Variants in TXNDC16 observed in about 807,000 individuals in gnomAD.
TXNDC16 encodes the protein thioredoxin domain containing 16.
A neutral mutation model predicts 85.6 loss-of-function variants in TXNDC16; 74 were observed. The ratio of observed to expected loss-of-function variants is 0.86; its 90% CI spans 0.72 to 1.05. The LOEUF is 1.05. Ranked by LOEUF, TXNDC16 falls within the 50% of genes least tolerant of loss-of-function variation. The pLI is 0.00. For missense variants in TXNDC16, 959 were observed against 947.0 expected, an observed-to-expected ratio of 1.01 and a Z score of -0.17; for synonymous variants, 335 against 326.5, an observed-to-expected ratio of 1.03 and a Z score of -0.28.
At position 52,514,868 on chromosome 14, in the gene TXNDC16, T is replaced by G; in HGVS notation, c.605+12A>C. On this transcript the variant is annotated intron_variant, in intron 8 of 20. Coordinates refer to ENST00000281741, the MANE Select transcript of TXNDC16 (RefSeq NM_020784.3). ...AACCTTTAAATTGTTGACATATGCT[T>G]TTTATACATACCCAATACTTTCCAA... 1 of 1,585,732 alleles carries G rather than the reference T, an allele frequency of 6.3e-7. No individual in the cohort carries two copies. The highest frequency in any genetic ancestry group is 8.6e-7 in the Non-Finnish European group (1 of 1,165,960).
chr14:52,530,326 T>TATAA (rs2037492091), intron 6 of TXNDC16, among the ~76,000 whole-genome samples: 1 of 47,640 alleles, frequency 2.1e-5, no homozygotes, highest in African/African-American at 8.5e-5. Flanking sequence ...ATAATTATTT[T>TATAA]TATATTATAT....
chr14:52,536,732 C>A lies in TXNDC16; in HGVS notation c.379G>T (p.Ala127Ser). The change falls in exon 6 of 21, where the codon GCC becomes TCC. Residue 127 changes from alanine to serine, a missense_variant. Physicochemically the swap from Ala to Ser is moderately conservative, Grantham distance 99. Transcript: ENST00000281741. Reference sequence around the variant, plus strand: ...CCCTGTACTTACAAGAGAACATGGGCGACAATGGCATTCACATCAAACAAG... The same window carrying A: ...CCCTGTACTTACAAGAGAACATGGGAGACAATGGCATTCACATCAAACAAG... ...DTLFDVNAIV[A>S]HVLFALLFSE... 1.2e-6 allele frequency: 2 copies of A among 1,610,104 alleles called. No individual in the cohort carries two copies. Among genetic ancestry groups the A allele is most frequent in the Non-Finnish European group, 1.7e-6 (2 of 1,177,654 alleles).
At chr14:52,483,028 T>C (rs1334618739) in intron 12 of TXNDC16, 63 bp from the exon 13 acceptor site, 1 of 1,353,984 alleles carries the variant, frequency 7.4e-7, no homozygotes, top group Non-Finnish European at 1.0e-6. Flanking sequence ...TTTAAGCTCT[T>C]CTCATAGGAA....
At chr14:52,465,706 T>C (rs2035758635) in intron 16 of TXNDC16, among the ~76,000 whole-genome samples, 1 of 151,990 alleles carries the variant, frequency 6.6e-6, no homozygotes, top group Admixed American at 6.6e-5. Flanking sequence ...ACACCCTATG[T>C]GTACCCTTCC....
At chr14:52,511,476 T>G (rs1232885056) in intron 8 of TXNDC16, 86 bp from the exon 9 acceptor site, 6 of 843,470 alleles carry the variant, frequency 7.1e-6, no homozygotes. Flanking sequence ...AATTTTGTCT[T>G]AAGTCTCATG....
chr14:52,541,695 C>T (rs1364992852), intron 4 of TXNDC16, among the ~76,000 whole-genome samples: 1 of 152,166 alleles, frequency 6.6e-6, no homozygotes, highest in East Asian at 1.9e-4. Context: ...GTCAGGTAGA[C>T]ATTAACCAGA....
intron 14 of TXNDC16, among the ~76,000 whole-genome samples, chr14:52,476,789 A>G (rs550569488): frequency 6.6e-6 from 1 of 152,332 alleles, no homozygotes; most frequent in Non-Finnish European, 1.5e-5. Context: ...CAGTCTTGCT[A>G]GAGAACTAGG....
chr14:52,520,032 C>T (rs533380031), intron 6 of TXNDC16, among the ~76,000 whole-genome samples: 11 of 152,224 alleles, frequency 7.2e-5, no homozygotes, highest in Admixed American at 5.2e-4. Context: ...TCTGTAAAAA[C>T]TTATAATACA....
chr14:52,525,245 T>C (rs983296329), intron 6 of TXNDC16, among the ~76,000 whole-genome samples: 3 of 152,222 alleles, frequency 2.0e-5, no homozygotes, highest in Non-Finnish European at 2.9e-5. Context: ...TTTATATATA[T>C]ATAAAATAAA....
chr14:52,505,980 A>G (rs183642010), intron 9 of TXNDC16, among the ~76,000 whole-genome samples: 7 of 152,308 alleles, frequency 4.6e-5, no homozygotes, highest in East Asian at 1.9e-4. Flanking sequence ...TAGAAGAAAT[A>G]GATAAATTCC....
At chr14:52,522,526 A>T (rs2037233467) in intron 6 of TXNDC16, among the ~76,000 whole-genome samples, 1 of 152,232 alleles carries the variant, frequency 6.6e-6, no homozygotes, top group Admixed American at 6.5e-5. Flanking sequence ...AAGAACAAGG[A>T]ACAGTAAAGA....
chr14:52,436,867 A>C (rs1398188282), intron 20 of TXNDC16, among the ~76,000 whole-genome samples: 3 of 152,114 alleles, frequency 2.0e-5, no homozygotes, highest in Non-Finnish European at 4.4e-5. Flanking sequence ...ACACACATAC[A>C]AACCTTATTT....
intron 16 of TXNDC16, among the ~76,000 whole-genome samples, chr14:52,465,177 T>A (rs916897928): frequency 6.6e-6 from 1 of 152,120 alleles, no homozygotes. Context: ...GCTAGACCAG[T>A]GGGGTCCTCT....
intron 16 of TXNDC16, among the ~76,000 whole-genome samples, chr14:52,469,016 G>A (rs2035840364): frequency 6.6e-6 from 1 of 151,698 alleles, no homozygotes; most frequent in Non-Finnish European, 1.5e-5. Context: ...ACATACAGAA[G>A]GAAAAAAAAA....
intron 16 of TXNDC16, among the ~76,000 whole-genome samples, chr14:52,466,534 A>C (rs1219017324): frequency 6.6e-6 from 1 of 152,014 alleles, no homozygotes; most frequent in African/African-American, 2.4e-5. Context: ...AGTCCTGGAG[A>C]AAATACAAGC....
At chr14:52,490,309 T>C (rs2036370096) in intron 11 of TXNDC16, 82 bp downstream of exon 11, 6 of 950,172 alleles carry the variant, frequency 6.3e-6, no homozygotes, top group African/African-American at 3.5e-5. Context: ...GATTTTTCTA[T>C]AATAAAAATA....
chr14:52,532,548 T>C (rs1566584701), intron 6 of TXNDC16, among the ~76,000 whole-genome samples: 1 of 152,058 alleles, frequency 6.6e-6, no homozygotes, highest in Non-Finnish European at 1.5e-5. Context: ...ACCATTCTCC[T>C]GCCTCAGCCT....
At position 52,514,944 on chromosome 14, in the gene TXNDC16, A is replaced by G. The variant is rs745720757; in HGVS notation, c.541T>C (p.Phe181Leu). 14 of 1,612,710 alleles carry G rather than the reference A, an allele frequency of 8.7e-6. No homozygotes were observed. The highest frequency in any genetic ancestry group is 1.6e-4 in the Middle Eastern group (1 of 6,072). ...PEHRAVMEAA[F>L]VYGTTYQFVL... The stretch of plus-strand genomic sequence containing the variant: ...AATTGGTATGTAGTCCCATACACAA[A>G]AGCGGCTTCCATGACTGCTCTGTGC... Residue 181 changes from phenylalanine (F) to leucine (L), a missense_variant, in exon 8 of 21, where the codon TTT becomes CTT. By Grantham distance (22) the Phe-to-Leu change is conservative (BLOSUM62 0). Transcript: ENST00000281741.
chr14:52,484,798 T>C (rs751870112), intron 12 of TXNDC16, among the ~76,000 whole-genome samples: 1 of 152,048 alleles, frequency 6.6e-6, no homozygotes, highest in Non-Finnish European at 1.5e-5. Flanking sequence ...GAACAATCAC[T>C]TGAACCCAGG....
Sources: gnomAD v4.1 joint callset for allele counts (sites outside exome capture counted in the v4.1 genomes callset) on GRCh38, gnomAD v4.1.1 for gene constraint, MANE v1.5 for transcripts, NCBI Gene and HGNC (gene_info 2026-07-23, HGNC 2026-07-21) for gene names.